Variants in PHACTR1 observed in about 807,000 individuals in gnomAD.
PHACTR1 encodes RPEL repeat containing 1.
PHACTR1 carries 16 observed loss-of-function variants against 69.2 expected under a neutral mutation model. That is an observed-to-expected ratio of 0.23 (90% CI 0.16 to 0.35). The LOEUF (loss-of-function observed/expected upper bound fraction) is 0.35, where lower values mean the gene tolerates loss of function less well. PHACTR1 is among the 10% of genes least tolerant of loss of function. PHACTR1 has a pLI of 1.00. For missense variants in PHACTR1, 510 were observed against 734.7 expected (o/e 0.69, Z 3.54); for synonymous variants, 312 against 284.5 (o/e 1.10, Z -0.97).
intron 4 of PHACTR1, among the ~76,000 whole-genome samples, chr6:12,840,894 G>C (rs1420801107): frequency 6.6e-6 from 1 of 152,220 alleles, no homozygotes; most frequent in Admixed American, 6.5e-5. Flanking sequence ...GAGCTGATAA[G>C]GACATACTGC....
At chr6:12,941,325 G>A (rs1048435771) in intron 4 of PHACTR1, among the ~76,000 whole-genome samples, 16 of 152,150 alleles carry the variant, frequency 1.1e-4, no homozygotes, top group African/African-American at 3.9e-4. Context: ...CACATCTGGT[G>A]CTTGGCCCAC....
At chr6:13,016,311 T>C (rs866878443) in intron 4 of PHACTR1, among the ~76,000 whole-genome samples, 1 of 152,254 alleles carries the variant, frequency 6.6e-6, no homozygotes, top group Non-Finnish European at 1.5e-5. Flanking sequence ...ACACCTGTAT[T>C]ATGTCCAGTA....
intron 5 of PHACTR1, among the ~76,000 whole-genome samples, chr6:13,110,543 G>C (rs759011580): frequency 6.6e-6 from 1 of 152,118 alleles, no homozygotes; most frequent in Non-Finnish European, 1.5e-5. Context: ...GTTCTGCTCC[G>C]TGCCGCTTTC....
At chr6:13,157,755 A>G (rs1758389303) in intron 5 of PHACTR1, among the ~76,000 whole-genome samples, 1 of 152,162 alleles carries the variant, frequency 6.6e-6, no homozygotes, top group Admixed American at 6.5e-5. Flanking sequence ...GCATCTCTTT[A>G]TATTCGGATG....
At chr6:12,856,995 G>C (rs1780443224) in intron 4 of PHACTR1, among the ~76,000 whole-genome samples, 1 of 152,130 alleles carries the variant, frequency 6.6e-6, no homozygotes, top group South Asian at 2.1e-4. Flanking sequence ...TTTGAAACGG[G>C]GGGTTATTCT....
At chr6:13,221,647 T>C (rs1768654553) in intron 8 of PHACTR1, among the ~76,000 whole-genome samples, 1 of 152,230 alleles carries the variant, frequency 6.6e-6, no homozygotes, top group African/African-American at 2.4e-5. Flanking sequence ...TACCTATCTC[T>C]TAGGATCCTT....
rs1150614 is a variant in PHACTR1, at chr6:13,193,150, C to T, written c.664+10464C>T. 5.9e-3 allele frequency among the ~76,000 whole-genome samples: 891 copies of T among 151,896 alleles called. 10 individuals are homozygous for T. The highest frequency in any genetic ancestry group is 0.021 in the African/African-American group (854 of 41,410). On this transcript the variant is annotated intron_variant, in intron 7 of 14. Transcript: ENST00000332995. The stretch of plus-strand genomic sequence containing the variant: ...GGCATGCTCTTACACACACCAACTA[C>T]AGACAGTTAGACCAGCCATTAACAT...
rs1021715695 is a variant in PHACTR1 at position 12,799,715 on chromosome 6, G to A, written c.250+49925G>A. 3.3e-5 allele frequency among the ~76,000 whole-genome samples: 5 copies of A among 152,296 alleles called. No homozygotes were observed. In the Middle Eastern group the frequency reaches 0.014, roughly 414 times the overall value. On this transcript the variant is annotated intron_variant, in intron 4 of 14. Transcript: ENST00000332995. Reference sequence around the variant, plus strand: ...GTACAGCCATGTGGTTAGACTTTATGAAAATCTAGTGTCAGTGATGTTTCA... The same window carrying A: ...GTACAGCCATGTGGTTAGACTTTATAAAAATCTAGTGTCAGTGATGTTTCA...
intron 4 of PHACTR1, among the ~76,000 whole-genome samples, chr6:12,991,756 A>G (rs1363551246): frequency 1.3e-5 from 2 of 152,178 alleles, no homozygotes; most frequent in Non-Finnish European, 2.9e-5. Context: ...TAAAACTATA[A>G]TGGTTTTGTG....
In PHACTR1 at chr6:13,222,542, A is replaced by G. The variant is rs146220875; in HGVS notation, c.987-5274A>G. On this transcript the variant is annotated intron_variant, in intron 8 of 14. Coordinates refer to ENST00000332995, the MANE Select transcript of PHACTR1 (RefSeq NM_030948.6). ...CATGAGAGGATCTGGACAGTTCTTC[A>G]TCATTCAGCGAATGCTGCAGATTCC... is the stretch of plus-strand genomic sequence containing the variant. Among the ~76,000 whole-genome samples the G allele has an allele frequency of 2.9e-3, 441 of 152,344 alleles. 3 individuals carry two copies. The highest frequency in any genetic ancestry group is 1.0e-2 in the African/African-American group (414 of 41,574).
chr6:12,784,684 A>G (rs1200877617), intron 4 of PHACTR1, among the ~76,000 whole-genome samples: 1 of 151,242 alleles, frequency 6.6e-6, no homozygotes, highest in Admixed American at 6.6e-5. Context: ...ACACATCCAC[A>G]CGTGTATATA....
intron 4 of PHACTR1, among the ~76,000 whole-genome samples, chr6:12,923,387 G>T (rs1404351846): frequency 6.6e-6 from 1 of 152,164 alleles, no homozygotes; most frequent in Non-Finnish European, 1.5e-5. Flanking sequence ...AATATTACAT[G>T]CTATAATTTA....
intron 4 of PHACTR1, among the ~76,000 whole-genome samples, chr6:12,996,256 T>C (rs1041670226): frequency 1.3e-5 from 2 of 152,016 alleles, no homozygotes; most frequent in South Asian, 2.1e-4. Context: ...CAAGATACAA[T>C]GGACACTCAA....
At position 13,284,867 on chromosome 6, in the gene PHACTR1, C is replaced by T. The variant is rs139658617; in HGVS notation, c.1651-1279C>T. 1.4e-4 allele frequency among the ~76,000 whole-genome samples: 21 copies of T among 152,300 alleles called. No individual in the cohort carries two copies. In the East Asian group the frequency reaches 3.3e-3, roughly 24 times the overall value. On this transcript the variant is annotated intron_variant, in intron 13 of 14. Coordinates refer to ENST00000332995, the MANE Select transcript of PHACTR1 (RefSeq NM_030948.6). ...GCAGATAGACTTCCAGAGACGACCT[C>T]GCCTGTGGCGGGTCAACCCACAGAC...
In PHACTR1 at chr6:13,206,281, A is replaced by G. The variant is rs1765909612; in HGVS notation, c.986+145A>G. The G allele has an allele frequency of 3.3e-6, 3 of 921,556 alleles. No individual in the cohort carries two copies. In the Admixed American group the frequency reaches 8.9e-5, roughly 27 times the overall value. The allele number at this position is 921,556 out of a possible 1,614,324, so 57.1% of individuals were successfully genotyped here. The stretch of plus-strand genomic sequence containing the variant: ...GTTTGAAAGTAAAATGAGACAAAAA[A>G]CTGAAGGTCAAAGCATGGAAAAAAA... On this transcript the variant is annotated intron_variant, in intron 8 of 14. Transcript: ENST00000332995.
rs149652446 is a variant in PHACTR1, at chr6:13,115,908, G to A, written c.416-44296G>A. Among the ~76,000 whole-genome samples the A allele has an allele frequency of 6.1e-3, 931 of 152,270 alleles. 4 individuals are homozygous for A. Among genetic ancestry groups the A allele is most frequent in the African/African-American group, 0.02 (837 of 41,544 alleles). On this transcript the variant is annotated intron_variant, in intron 5 of 14. Transcript: ENST00000332995. ...AGCCCAGAGACAGAACAGCAGGTGC[G>A]TAGGGGATTTCTCAGCTAAGCTGTC... is the stretch of plus-strand genomic sequence containing the variant.
chr6:13,010,572 G>A (rs1799336989), intron 4 of PHACTR1, among the ~76,000 whole-genome samples: 1 of 152,234 alleles, frequency 6.6e-6, no homozygotes, highest in Admixed American at 6.5e-5. Context: ...CGGAGGTCTT[G>A]TTAAAATGCA....
chr6:13,250,904 C>G (rs1298817255), intron 10 of PHACTR1, among the ~76,000 whole-genome samples: 1 of 152,150 alleles, frequency 6.6e-6, no homozygotes, highest in Non-Finnish European at 1.5e-5. Flanking sequence ...ATTGCAAAAC[C>G]GTGGAATATG....
At chr6:12,871,482 T>C (rs1488984699) in intron 4 of PHACTR1, among the ~76,000 whole-genome samples, 1 of 152,228 alleles carries the variant, frequency 6.6e-6, no homozygotes, top group Non-Finnish European at 1.5e-5. Context: ...TGGTTTGTTA[T>C]GGAAAATGGA....
Sources: gnomAD v4.1 joint callset for allele counts (sites outside exome capture counted in the v4.1 genomes callset) on GRCh38, gnomAD v4.1.1 for gene constraint, MANE v1.5 for transcripts, NCBI Gene and HGNC (gene_info 2026-07-23, HGNC 2026-07-21) for gene names.